AGMO: variants seen among roughly 807,000 people sequenced by gnomAD.
AGMO encodes the protein alkylglycerol monooxygenase, also known as glyceryl-ether monooxygenase.
A neutral mutation model predicts 60.2 loss-of-function variants in AGMO; 75 were observed. That is an observed-to-expected ratio of 1.25 (90% CI 1.03 to 1.51). The LOEUF (loss-of-function observed/expected upper bound fraction) is 1.51, where lower values mean the gene tolerates loss of function less well. Among genes scored for constraint, AGMO ranks in the 40% most tolerant of loss-of-function variants. The pLI is 0.00. For synonymous variants in AGMO, 261 were observed against 177.1 expected (o/e 1.47, Z -3.76); for missense variants, 763 against 525.5 (o/e 1.45, Z -4.42).
chr7:15,186,141 T>C, the AGMO span, among the ~76,000 whole-genome samples: 1 of 152,168 alleles, frequency 6.6e-6, no homozygotes, highest in Non-Finnish European at 1.5e-5. Flanking sequence ...AAGTCAACTC[T>C]AAGGCTGGTT....
At chr7:15,489,057 A>G (rs1385148996) in intron 3 of AGMO, among the ~76,000 whole-genome samples, 1 of 152,166 alleles carries the variant, frequency 6.6e-6, no homozygotes, top group Admixed American at 6.6e-5. Flanking sequence ...CAAATCATAT[A>G]CTATATCTTC....
At chr7:15,357,587 G>C (rs140669562) in intron 12 of AGMO, among the ~76,000 whole-genome samples, 219 of 152,272 alleles carry the variant, frequency 1.4e-3, no homozygotes, top group Admixed American at 3.1e-3. Flanking sequence ...GAAATATATA[G>C]AGTCTCTGAG....
At chr7:15,407,376 T>C (rs1468967558) in intron 5 of AGMO, among the ~76,000 whole-genome samples, 1 of 151,088 alleles carries the variant, frequency 6.6e-6, no homozygotes, top group Non-Finnish European at 1.5e-5. Flanking sequence ...TTATTTTACA[T>C]AGAACAAGAA....
intron 3 of AGMO, among the ~76,000 whole-genome samples, chr7:15,498,442 G>A (rs1418796184): frequency 6.6e-6 from 1 of 151,846 alleles, no homozygotes; most frequent in Non-Finnish European, 1.5e-5. Context: ...CATACAGGAA[G>A]CAAAAAATGA....
At chr7:15,310,019 G>A (rs1045456519) in intron 12 of AGMO, among the ~76,000 whole-genome samples, 2 of 151,994 alleles carry the variant, frequency 1.3e-5, no homozygotes, top group East Asian at 1.9e-4. Flanking sequence ...TGTCTGGAAG[G>A]AAATATTTGC....
intron 5 of AGMO, chr7:15,396,515 A>C (rs1044738897): frequency 2.6e-5 from 4 of 152,296 alleles, no homozygotes; most frequent in Non-Finnish European, 5.9e-5. Flanking sequence ...GCAGCAATAC[A>C]TACATTGCAA....
At chr7:15,449,179 T>G (rs1329679927) in intron 3 of AGMO, among the ~76,000 whole-genome samples, 5 of 152,214 alleles carry the variant, frequency 3.3e-5, no homozygotes, top group Non-Finnish European at 7.3e-5. Context: ...AGTGCCAGAT[T>G]AGTTGTGCAA....
At chr7:15,331,870 G>C (rs963772605) in intron 12 of AGMO, among the ~76,000 whole-genome samples, 2 of 151,622 alleles carry the variant, frequency 1.3e-5, no homozygotes, top group Non-Finnish European at 1.5e-5. Context: ...AGGTTGCAGT[G>C]AGCCAAGATC....
At chr7:15,291,738 A>G (rs893828142) in intron 12 of AGMO, among the ~76,000 whole-genome samples, 8 of 152,222 alleles carry the variant, frequency 5.3e-5, no homozygotes, top group Non-Finnish European at 1.0e-4. Context: ...AGATGAACAT[A>G]TAAATGCATC....
chr7:15,540,123 C>A (rs1363547378), intron 3 of AGMO, among the ~76,000 whole-genome samples: 1 of 152,012 alleles, frequency 6.6e-6, no homozygotes, highest in Non-Finnish European at 1.5e-5. Flanking sequence ...GCAGCTACTG[C>A]CTATAGAACT....
intron 12 of AGMO, among the ~76,000 whole-genome samples, chr7:15,275,234 G>A (rs1229832725): frequency 6.6e-6 from 1 of 151,572 alleles, no homozygotes; most frequent in Non-Finnish European, 1.5e-5. Context: ...CCAGATATTT[G>A]GTATATTAAT....
At chr7:15,558,053 G>A (rs1262106626) in intron 2 of AGMO, among the ~76,000 whole-genome samples, 1 of 150,418 alleles carries the variant, frequency 6.6e-6, no homozygotes, top group African/African-American at 2.4e-5. Flanking sequence ...TTTTTGGGGT[G>A]TATTTTTTGT....
intron 5 of AGMO, among the ~76,000 whole-genome samples, chr7:15,400,188 G>C (rs1183044009): frequency 1.3e-5 from 2 of 152,130 alleles, no homozygotes; most frequent in Non-Finnish European, 2.9e-5. Flanking sequence ...TTTGACAATA[G>C]TATATTCAAT....
At chr7:15,180,180 G>C in the AGMO span, among the ~76,000 whole-genome samples, 1 of 152,068 alleles carries the variant, frequency 6.6e-6, no homozygotes, top group East Asian at 1.9e-4. Context: ...GTTCTTTCTT[G>C]AATGTGCATT....
chr7:15,317,126 G>C (rs1418275681), intron 12 of AGMO, among the ~76,000 whole-genome samples: 1 of 152,102 alleles, frequency 6.6e-6, no homozygotes, highest in African/African-American at 2.4e-5. Flanking sequence ...CATTTTCAAA[G>C]TGGTAACGTT....
At chr7:15,388,862 A>G (rs1190463355) in intron 8 of AGMO, among the ~76,000 whole-genome samples, 2 of 152,200 alleles carry the variant, frequency 1.3e-5, no homozygotes, top group Non-Finnish European at 2.9e-5. Context: ...GTAAGTAAAC[A>G]TGTAGAAGAG....
intron 3 of AGMO, among the ~76,000 whole-genome samples, chr7:15,517,934 C>A (rs578243156): frequency 2.0e-4 from 30 of 152,250 alleles, no homozygotes; most frequent in African/African-American, 7.0e-4. Context: ...TGAAATTCTC[C>A]CAGCCAGCAC....
chr7:15,412,751 T>C (rs1449084792), intron 5 of AGMO, among the ~76,000 whole-genome samples: 1 of 132,750 alleles, frequency 7.5e-6, no homozygotes, highest in African/African-American at 2.9e-5. Context: ...GGATAAGGAA[T>C]ATGCCCTAAG....
At chr7:15,141,356 G>A in the AGMO span, among the ~76,000 whole-genome samples, 10 of 152,226 alleles carry the variant, frequency 6.6e-5, no homozygotes, top group South Asian at 4.1e-4. Context: ...GGCCGCAGCC[G>A]GCAGATTGCC....
Sources: gnomAD v4.1 joint callset for allele counts (sites outside exome capture counted in the v4.1 genomes callset) on GRCh38, gnomAD v4.1.1 for gene constraint, MANE v1.5 for transcripts, NCBI Gene and HGNC (gene_info 2026-07-23, HGNC 2026-07-21) for gene names.